EPG5: variants seen among roughly 807,000 people sequenced by gnomAD.
The protein encoded by EPG5 is ectopic P-granules 5 autophagy tethering factor, also known as ectopic P granules protein 5 homolog.
In EPG5, 159 loss-of-function variants were observed where a neutral mutation model predicts 302.7. The observed-to-expected ratio is 0.53, with a 90% CI of 0.46 to 0.60. EPG5 has a LOEUF of 0.60. Among genes scored for constraint, EPG5 ranks in the 20% least tolerant of loss-of-function variants. The probability of loss-of-function intolerance (pLI) is 0.00; values close to 1 mark genes in which losing one functional copy is unlikely to be tolerated. For missense variants in EPG5, 2,896 were observed against 3,092.4 expected, an observed-to-expected ratio of 0.94 and a Z score of 1.51; for synonymous variants, 1,158 against 1,136.8, an observed-to-expected ratio of 1.02 and a Z score of -0.37.
At chr18:45,815,222 T>C in the EPG5 span, among the ~76,000 whole-genome samples, 1 of 152,212 alleles carries the variant, frequency 6.6e-6, no homozygotes, top group Non-Finnish European at 1.5e-5. Flanking sequence ...ATGTGATATA[T>C]GCCCACCCAA....
At chr18:45,861,507 G>C (rs754605716) in intron 39 of EPG5, among the ~76,000 whole-genome samples, 2 of 152,086 alleles carry the variant, frequency 1.3e-5, no homozygotes, top group Non-Finnish European at 2.9e-5. Context: ...GATCTTTCCA[G>C]AACACCCTTC....
Position 45,903,962 on chromosome 18 carries a change from C to G in EPG5, c.4474+11G>C. On this transcript the variant is annotated intron_variant, in intron 25 of 43. Coordinates refer to ENST00000282041, the MANE Select transcript of EPG5 (RefSeq NM_020964.3). ...CACTCATTCGAAGGGGCAGGTGCTCCCAGGACCCACCCAGCAAAGGATCAG... is the reference window on the plus strand; with the variant it reads ...CACTCATTCGAAGGGGCAGGTGCTCGCAGGACCCACCCAGCAAAGGATCAG... 1 of 1,603,222 alleles carries G rather than the reference C, an allele frequency of 6.2e-7. No individual in the cohort carries two copies. Among genetic ancestry groups the G allele is most frequent in the Non-Finnish European group, 8.5e-7 (1 of 1,177,608 alleles).
At chr18:45,826,463 T>C in the EPG5 span, among the ~76,000 whole-genome samples, 4 of 152,150 alleles carry the variant, frequency 2.6e-5, no homozygotes, top group African/African-American at 4.8e-5. Flanking sequence ...ACCTGCAGAA[T>C]CAGAGTATCA....
At chr18:45,839,936 CTTTCTTGCCCG>C in the EPG5 span, among the ~76,000 whole-genome samples, 1 of 152,114 alleles carries the variant, frequency 6.6e-6, no homozygotes, top group African/African-American at 2.4e-5. Flanking sequence ...GCCACAATGG[CTTTCTTGCCCG>C]TTTCTTGGAA....
intron 6 of EPG5, among the ~76,000 whole-genome samples, chr18:45,947,804 G>C (rs574769192): frequency 6.6e-6 from 1 of 150,668 alleles, no homozygotes; most frequent in Non-Finnish European, 1.5e-5. Flanking sequence ...TTGGAATTTC[G>C]CTCTATCACG....
At chr18:45,807,310 C>G in the EPG5 span, among the ~76,000 whole-genome samples, 1 of 152,294 alleles carries the variant, frequency 6.6e-6, no homozygotes, top group African/African-American at 2.4e-5. Flanking sequence ...TAATTGAAGA[C>G]AAAGGGCATA....
intron 25 of EPG5, among the ~76,000 whole-genome samples, chr18:45,901,767 A>C (rs1461479455): frequency 5.0e-5 from 7 of 139,656 alleles, no homozygotes; most frequent in Admixed American, 1.4e-4. Flanking sequence ...ATCCTGTGCC[A>C]CACACACACA....
chr18:45,900,605 A>T (rs1469855509), intron 26 of EPG5, among the ~76,000 whole-genome samples: 1 of 152,140 alleles, frequency 6.6e-6, no homozygotes, highest in African/African-American at 2.4e-5. Flanking sequence ...ATCAATATTT[A>T]TGTCAATTTC....
the EPG5 span, among the ~76,000 whole-genome samples, chr18:45,813,429 T>G: frequency 1.3e-5 from 2 of 152,134 alleles, no homozygotes; most frequent in East Asian, 1.9e-4. Context: ...TATACCCAAA[T>G]GATTATAAAT....
At chr18:45,901,326 C>G (rs992546246) in intron 25 of EPG5, among the ~76,000 whole-genome samples, 159 bp from the exon 26 acceptor site, 10 of 152,166 alleles carry the variant, frequency 6.6e-5, no homozygotes, top group Admixed American at 5.9e-4. Context: ...TTACCCTAGA[C>G]AGGCCTTGCA....
At chr18:45,897,602 A>G (rs1223137900) in intron 27 of EPG5, among the ~76,000 whole-genome samples, 1 of 152,252 alleles carries the variant, frequency 6.6e-6, no homozygotes, top group Non-Finnish European at 1.5e-5. Flanking sequence ...CCAACTGTAT[A>G]AAGCACCTGG....
Position 45,949,587 on chromosome 18 carries a change from G to C in EPG5, c.1394C>G (p.Ser465Cys). Residue 465 changes from serine (S) to cysteine (C), a missense_variant, in exon 5 of 44, where the codon TCC (serine) becomes TGC (cysteine). Coordinates refer to ENST00000282041, the MANE Select transcript of EPG5 (RefSeq NM_020964.3). ...AGGACAGCCAACTCTTTGTAGCACG[G>C]ATACCTGAACAATAAAGGTCATATG... ...DILLWLQKLVSVLQRVGCPGD... is the reference protein window; with the variant it reads ...DILLWLQKLVCVLQRVGCPGD... 6.2e-7 allele frequency: 1 copy of C among 1,601,800 alleles called. No homozygotes were observed. Among genetic ancestry groups the C allele is most frequent in the Non-Finnish European group, 8.6e-7 (1 of 1,169,466 alleles).
At chr18:45,860,471 T>C (rs2048611448) in intron 39 of EPG5, 125 bp from the exon 40 acceptor site, 18 of 1,186,068 alleles carry the variant, frequency 1.5e-5, no homozygotes, top group Non-Finnish European at 2.2e-5. Context: ...AGTAGCTGAC[T>C]GCAAGGGACT....
intron 20 of EPG5, 89 bp downstream of exon 20, chr18:45,915,422 G>T: frequency 1.1e-6 from 1 of 942,978 alleles, no homozygotes; most frequent in Non-Finnish European, 1.7e-6. Flanking sequence ...ATAAAAGTTA[G>T]TTTAGACAAT....
intron 35 of EPG5, among the ~76,000 whole-genome samples, chr18:45,873,175 A>T (rs2048906315): frequency 6.6e-6 from 1 of 152,182 alleles, no homozygotes; most frequent in Non-Finnish European, 1.5e-5. Flanking sequence ...TTTTATTCAT[A>T]TACAGGGGCA....
At chr18:45,926,377 T>C (rs185497941) in intron 13 of EPG5, among the ~76,000 whole-genome samples, 5 of 152,304 alleles carry the variant, frequency 3.3e-5, no homozygotes, top group African/African-American at 7.2e-5. Context: ...CAAGAGTTGA[T>C]AGCTATTGTT....
intron 1 of EPG5, among the ~76,000 whole-genome samples, chr18:45,956,304 G>A (rs936802467): frequency 6.6e-6 from 1 of 152,176 alleles, no homozygotes; most frequent in Non-Finnish European, 1.5e-5. Context: ...CTGAGAAACT[G>A]GAAGAGACTG....
chr18:45,814,302 C>G, the EPG5 span, among the ~76,000 whole-genome samples: 1 of 152,172 alleles, frequency 6.6e-6, no homozygotes, highest in South Asian at 2.1e-4. Flanking sequence ...TGCAAGACAA[C>G]TAGCTTGTAC....
intron 27 of EPG5, 113 bp downstream of exon 27, chr18:45,899,291 T>A: frequency 1.1e-5 from 14 of 1,254,774 alleles, no homozygotes; most frequent in Non-Finnish European, 1.6e-5. Context: ...AACTAGTAAA[T>A]GTTTGGGACA....
Sources: allele counts gnomAD v4.1 joint callset (sites outside exome capture counted in the v4.1 genomes callset), GRCh38; gene constraint gnomAD v4.1.1; transcripts MANE v1.5; gene names NCBI Gene and HGNC (gene_info 2026-07-23, HGNC 2026-07-21).